FAM13B: variants seen among roughly 807,000 people sequenced by gnomAD.
FAM13B encodes the protein family with sequence similarity 13 member B.
Under a neutral mutation model 117.3 loss-of-function variants are expected in FAM13B, and 60 were observed. The ratio of observed to expected loss-of-function variants is 0.51; its 90% CI spans 0.42 to 0.63. FAM13B has a LOEUF of 0.63. FAM13B is among the 30% of genes least tolerant of loss of function. The pLI, the probability that FAM13B is intolerant of heterozygous loss-of-function variation, is 0.00. For missense variants in FAM13B, 972 were observed against 1,091.9 expected (o/e 0.89, Z 1.55); for synonymous variants, 332 against 356.1 (o/e 0.93, Z 0.76).
intron 5 of FAM13B, 110 bp downstream of exon 5, chr5:138,011,658 T>A (rs1217847352): frequency 1.5e-6 from 1 of 674,808 alleles, no homozygotes; most frequent in African/African-American, 1.9e-5. Context: ...GACCTTGTGA[T>A]CCGCCCGCAT....
At chr5:138,022,157 A>T (rs1007568623) in intron 1 of FAM13B, among the ~76,000 whole-genome samples, 3 of 151,734 alleles carry the variant, frequency 2.0e-5, no homozygotes, top group African/African-American at 7.3e-5. Flanking sequence ...TACAGCTGTT[A>T]AGTTTAGTTT....
intron 1 of FAM13B, among the ~76,000 whole-genome samples, chr5:138,044,912 G>A (rs996763779): frequency 3.3e-5 from 5 of 152,134 alleles, no homozygotes; most frequent in Admixed American, 6.5e-5. Flanking sequence ...TCAGGGAAAC[G>A]CAAACTAAAA....
At chr5:137,976,790 A>C (rs568389896) in intron 10 of FAM13B, among the ~76,000 whole-genome samples, 2 of 152,220 alleles carry the variant, frequency 1.3e-5, no homozygotes, top group African/African-American at 4.8e-5. Context: ...TAATCCCATC[A>C]TTTTTGTAAA....
In FAM13B at chr5:137,987,655, A is replaced by G. The variant is rs189646167; in HGVS notation, c.891-39T>C. The G allele has an allele frequency of 8.9e-6, 14 of 1,573,930 alleles. No individual in the cohort carries two copies. The South Asian group carries it at 1.6e-4, about 19-fold the overall frequency. ...CGTTTTAGTAAGAAGCAGTCACTCT[A>G]ACTGGATATCTGGTGACACAGACAT... On this transcript the variant is annotated intron_variant, in intron 8 of 23. Coordinates refer to ENST00000689681, the MANE Select transcript of FAM13B (RefSeq NM_001385994.1).
chr5:137,956,648 T>C (rs1001022947), intron 13 of FAM13B, 106 bp from the exon 14 acceptor site: 2 of 594,450 alleles, frequency 3.4e-6, no homozygotes, highest in Non-Finnish European at 5.2e-6. Context: ...AACATTTCCC[T>C]AAAACCAGTT....
intron 10 of FAM13B, among the ~76,000 whole-genome samples, chr5:137,963,511 C>T (rs1768761650): frequency 1.3e-5 from 2 of 152,144 alleles, no homozygotes; most frequent in African/African-American, 2.4e-5. Context: ...AACAGATATA[C>T]CTATGTAAAC....
intron 10 of FAM13B, among the ~76,000 whole-genome samples, chr5:137,971,349 T>C (rs1772076748): frequency 6.6e-6 from 1 of 151,844 alleles, no homozygotes; most frequent in African/African-American, 2.4e-5. Context: ...AACAACCTGC[T>C]CCTGAATGAC....
chr5:137,960,087 T>C, intron 12 of FAM13B, 79 bp downstream of exon 12: 1 of 868,018 alleles, frequency 1.2e-6, no homozygotes, highest in Non-Finnish European at 1.8e-6. Flanking sequence ...TAAACCTAGC[T>C]AACCCACATT....
At chr5:138,039,865 T>G (rs1245413967) in intron 1 of FAM13B, 1 of 152,092 alleles carries the variant, frequency 6.6e-6, no homozygotes, top group African/African-American at 2.4e-5. Flanking sequence ...TCCACTAGAG[T>G]ATATAACAAT....
In FAM13B at chr5:137,998,061, G is replaced by A. The variant is rs182895770; in HGVS notation, c.848+8929C>T. ...ATAAGGCAAATGCCTACCCAATCAA[G>A]TTATTTCTTTACTTCTGCTTTCAGC... On this transcript the variant is annotated intron_variant, in intron 7 of 23. Coordinates refer to ENST00000689681, the MANE Select transcript of FAM13B (RefSeq NM_001385994.1). 1.8e-4 allele frequency among the ~76,000 whole-genome samples: 28 copies of A among 152,296 alleles called. No homozygotes were observed. The East Asian group carries it at 5.4e-3, about 29-fold the overall frequency.
intron 18 of FAM13B, 70 bp from the exon 19 acceptor site, chr5:137,946,381 C>T (rs1426384502): frequency 8.2e-6 from 8 of 976,726 alleles, no homozygotes; most frequent in African/African-American, 1.7e-5. Context: ...TCCACTGGCA[C>T]CATTAATATT....
chr5:137,995,417 T>C (rs925395477), intron 7 of FAM13B, among the ~76,000 whole-genome samples: 3 of 152,224 alleles, frequency 2.0e-5, no homozygotes, highest in African/African-American at 7.2e-5. Flanking sequence ...GGGACATAAA[T>C]TATAAATATG....
chr5:137,954,509 C>CAT, intron 14 of FAM13B, 133 bp from the exon 15 acceptor site: 1 of 477,492 alleles, frequency 2.1e-6, no homozygotes, highest in Non-Finnish European at 3.6e-6. Context: ...CACACATACA[C>CAT]ACACACACAC....
chr5:138,015,040 A>G (rs547294615), intron 4 of FAM13B, among the ~76,000 whole-genome samples: 1 of 152,352 alleles, frequency 6.6e-6, no homozygotes, highest in African/African-American at 2.4e-5. Flanking sequence ...TCAAAACACA[A>G]TGTATAAGCA....
At chr5:137,961,671 G>T in intron 11 of FAM13B, among the ~76,000 whole-genome samples, 1 of 152,208 alleles carries the variant, frequency 6.6e-6, no homozygotes, top group East Asian at 1.9e-4. Flanking sequence ...CAGCAAATTA[G>T]TATACTGTCT....
At chr5:138,028,295 C>T (rs1048428955) in intron 1 of FAM13B, among the ~76,000 whole-genome samples, 1 of 152,152 alleles carries the variant, frequency 6.6e-6, no homozygotes, top group East Asian at 1.9e-4. Context: ...CCACTGAAAA[C>T]ATGCACAGGC....
At position 138,019,162 on chromosome 5, in the gene FAM13B, CAA is replaced by C. The variant is rs57706343; in HGVS notation, c.-35-18_-35-17del. 449 of 1,498,766 alleles carry C rather than the reference CAA, an allele frequency of 3.0e-4. 1 individual carries two copies. The highest frequency in any genetic ancestry group is 1.0e-3 in the Admixed American group (50 of 50,198). 92.8% of individuals were successfully genotyped at this position (1,498,766 alleles called of 1,614,324 possible). A position where few individuals can be genotyped will look rare whatever the true frequency, so the allele number is the denominator to read the frequency against. The stretch of plus-strand genomic sequence containing the variant: ...GCTGTCTTTTCTGCCAAATGAAAGA[CAA>C]AAAAAAAAGACTATAATGATTAACA... On this transcript the variant is annotated splice_polypyrimidine_tract_variant and intron_variant, in intron 2 of 23. Coordinates refer to ENST00000689681, the MANE Select transcript of FAM13B (RefSeq NM_001385994.1).
chr5:137,960,275 T>C (rs1189263037), intron 11 of FAM13B, 61 bp from the exon 12 acceptor site: 1 of 983,606 alleles, frequency 1.0e-6, no homozygotes, highest in African/African-American at 1.7e-5. Context: ...TCATTATATA[T>C]TTCTTACCTA....
rs1487805431 is a variant in FAM13B at position 137,948,962 on chromosome 5, TC to T, written c.2152del (p.Asp718IlefsTer5). 6.2e-7 allele frequency: 1 copy of T among 1,612,390 alleles called. No homozygotes were observed. The highest frequency in any genetic ancestry group is 1.1e-5 in the South Asian group (1 of 91,020). ...EKRIERCLPE[D>X]IKKMTKDHLV... is the part of the protein sequence containing the mutation. ...ATCATAGCTCAAGATTACCTTGATA[TC>T]TTCTGGAAGACACCTCTCAATACGT... On this transcript the variant is annotated frameshift_variant, in exon 18 of 24. Coordinates refer to ENST00000689681, the MANE Select transcript of FAM13B (RefSeq NM_001385994.1). LOFTEE classifies it high-confidence loss of function.
Sources: gnomAD v4.1 joint callset for allele counts (sites outside exome capture counted in the v4.1 genomes callset) on GRCh38, gnomAD v4.1.1 for gene constraint, MANE v1.5 for transcripts, NCBI Gene and HGNC (gene_info 2026-07-23, HGNC 2026-07-21) for gene names.